TBX15: variants seen among roughly 807,000 people sequenced by gnomAD.
The protein encoded by TBX15 is T-box transcription factor TBX15.
TBX15 carries 18 observed loss-of-function variants against 53.9 expected under a neutral mutation model. The ratio of observed to expected loss-of-function variants is 0.33; its 90% CI spans 0.23 to 0.49. The LOEUF (loss-of-function observed/expected upper bound fraction) is 0.49, where lower values mean the gene tolerates loss of function less well. Ranked by LOEUF, TBX15 falls within the 20% of genes least tolerant of loss-of-function variation. The pLI is 0.98. For synonymous variants in TBX15, 295 were observed against 278.0 expected (o/e 1.06, Z -0.61); for missense variants, 692 against 749.5 (o/e 0.92, Z 0.90).
At chr1:118,935,379 C>A (rs1013132917) in intron 1 of TBX15, among the ~76,000 whole-genome samples, 1 of 152,120 alleles carries the variant, frequency 6.6e-6, no homozygotes, top group Non-Finnish European at 1.5e-5. Context: ...TTTTCAAGGT[C>A]ATTTATTCTT....
In TBX15 at chr1:118,884,918, A is replaced by C. The variant is rs369803958; in HGVS notation, c.1623T>G (p.Thr541=). ...SPEKLSASQS[T]LLCSSPSNGA... ...CGTTGGAAGGAGAAGAACAGAGTAA[A>C]GTGCTTTGAGAGGCGCTCAGTTTTT... is the stretch of plus-strand genomic sequence containing the variant. The change falls in exon 8 of 8, where the codon ACT becomes ACG. Residue 541 remains threonine, a synonymous_variant. Transcript: ENST00000369429. The C allele has an allele frequency of 6.2e-7, 1 of 1,614,082 alleles. No individual in the cohort carries two copies. Among genetic ancestry groups the C allele is most frequent in the African/African-American group, 1.3e-5 (1 of 74,936 alleles).
In TBX15 at chr1:118,921,313, T is replaced by C. The variant is rs147217360; in HGVS notation, c.861+2123A>G. On this transcript the variant is annotated intron_variant, in intron 5 of 7. Transcript: ENST00000369429. ...CAAGTGTAGACTTACTAAAAATTTA[T>C]TGGTAAAGATTATCTGGTGAATAAA... Among the ~76,000 whole-genome samples the C allele has an allele frequency of 5.7e-3, 864 of 152,336 alleles. 8 individuals carry two copies. The highest frequency in any genetic ancestry group is 0.02 in the Middle Eastern group (6 of 294).
intron 7 of TBX15, among the ~76,000 whole-genome samples, chr1:118,887,148 C>T (rs1571144228): frequency 6.6e-6 from 1 of 152,308 alleles, no homozygotes; most frequent in Non-Finnish European, 1.5e-5. Context: ...GAAAGAGCAG[C>T]TGCTTTGTCT....
chr1:118,924,345 A>G (rs558608963), intron 4 of TBX15, among the ~76,000 whole-genome samples: 2 of 152,292 alleles, frequency 1.3e-5, no homozygotes, highest in African/African-American at 2.4e-5. Context: ...GATTTTTTCT[A>G]CCACTGGTTG....
At chr1:118,982,993 T>C (rs1337367048) in intron 1 of TBX15, among the ~76,000 whole-genome samples, 3 of 152,190 alleles carry the variant, frequency 2.0e-5, no homozygotes, top group African/African-American at 2.4e-5. Context: ...TGAAGTTGCC[T>C]AGGAAAGCCT....
intron 6 of TBX15, among the ~76,000 whole-genome samples, chr1:118,904,619 A>G (rs952671051): frequency 6.6e-6 from 1 of 152,194 alleles, no homozygotes; most frequent in Admixed American, 6.5e-5. Flanking sequence ...AGTGATTCCC[A>G]ACTTAAGAAC....
At chr1:118,918,901 G>A (rs988168782) in intron 5 of TBX15, among the ~76,000 whole-genome samples, 19 of 152,086 alleles carry the variant, frequency 1.2e-4, no homozygotes, top group African/African-American at 3.6e-4. Context: ...AACACTCTTC[G>A]TTATTTTTAT....
rs998172137 is a variant in TBX15 at position 118,884,156 on chromosome 1, C to T, written c.*576G>A. Reference sequence around the variant, plus strand: ...CAGGATACATGGTTCATTCCAGAAGCAGAGGAAGCTGCAGGGGAGAAAGAC... The same window carrying T: ...CAGGATACATGGTTCATTCCAGAAGTAGAGGAAGCTGCAGGGGAGAAAGAC... On this transcript the variant is annotated 3_prime_UTR_variant, in exon 8 of 8. Coordinates refer to ENST00000369429, the MANE Select transcript of TBX15 (RefSeq NM_001330677.2). 1 of 157,224 alleles carries T rather than the reference C, an allele frequency of 6.4e-6. No individual in the cohort carries two copies. Among genetic ancestry groups the T allele is most frequent in the South Asian group, 1.9e-4 (1 of 5,166 alleles). 9.7% of individuals were successfully genotyped at this position (157,224 alleles called of 1,614,324 possible). A position where few individuals can be genotyped will look rare whatever the true frequency, so the allele number is the denominator to read the frequency against.
intron 1 of TBX15, among the ~76,000 whole-genome samples, chr1:118,946,605 G>A (rs940540181): frequency 2.0e-5 from 3 of 152,098 alleles, no homozygotes; most frequent in African/African-American, 7.2e-5. Flanking sequence ...GATTACTAAT[G>A]GTGCATCTTA....
intron 1 of TBX15, among the ~76,000 whole-genome samples, chr1:118,986,760 G>GT (rs1657852138): frequency 6.6e-6 from 1 of 152,204 alleles, no homozygotes; most frequent in Admixed American, 6.5e-5. Context: ...TGCGAGCGTT[G>GT]TATGTGCGCG....
At chr1:118,988,902 G>C (rs1445071214), upstream of TBX15, among the ~76,000 whole-genome samples, 1 of 152,172 alleles carries the variant, frequency 6.6e-6, no homozygotes, top group Non-Finnish European at 1.5e-5. Context: ...TACTAACCAG[G>C]GTCTTGTAAC....
intron 5 of TBX15, among the ~76,000 whole-genome samples, chr1:118,920,645 T>A (rs1474989825): frequency 6.6e-6 from 1 of 152,070 alleles, no homozygotes; most frequent in African/African-American, 2.4e-5. Flanking sequence ...AATGGTGCAA[T>A]TATCACTGGG....
intron 1 of TBX15, among the ~76,000 whole-genome samples, chr1:118,966,668 G>T (rs1419478542): frequency 1.3e-5 from 2 of 152,162 alleles, no homozygotes; most frequent in African/African-American, 4.8e-5. Flanking sequence ...AAAGCAACAG[G>T]TCTATCCCAA....
chr1:118,894,884 A>C (rs1389240198), intron 7 of TBX15, among the ~76,000 whole-genome samples: 1 of 152,204 alleles, frequency 6.6e-6, no homozygotes, highest in African/African-American at 2.4e-5. Flanking sequence ...ATTATAGTGC[A>C]GAATTAGGAT....
intron 1 of TBX15, among the ~76,000 whole-genome samples, chr1:118,974,071 T>C (rs974117263): frequency 2.6e-5 from 4 of 152,216 alleles, no homozygotes; most frequent in African/African-American, 9.6e-5. Flanking sequence ...CCTTGCAGAA[T>C]CTACATTTCT....
intron 1 of TBX15, among the ~76,000 whole-genome samples, chr1:118,976,908 C>G (rs999504529): frequency 6.6e-6 from 1 of 152,178 alleles, no homozygotes; most frequent in Non-Finnish European, 1.5e-5. Flanking sequence ...AATTTGCAAA[C>G]AATTTCTTAT....
At chr1:118,955,448 A>G (rs980633007) in intron 1 of TBX15, among the ~76,000 whole-genome samples, 1 of 152,180 alleles carries the variant, frequency 6.6e-6, no homozygotes, top group Non-Finnish European at 1.5e-5. Context: ...CAGAAAACCA[A>G]TCAATCAATG....
At chr1:118,952,428 T>C (rs36043800) in intron 1 of TBX15, among the ~76,000 whole-genome samples, 11,333 of 152,024 alleles carry the variant, frequency 0.075, 611 homozygotes, top group East Asian at 0.2. Flanking sequence ...AAAAAAATAA[T>C]TTTCTGTCCT....
chr1:118,954,429 C>A (rs1350329505), intron 1 of TBX15, among the ~76,000 whole-genome samples: 3 of 152,180 alleles, frequency 2.0e-5, no homozygotes, highest in African/African-American at 7.2e-5. Context: ...CAGATCTTAT[C>A]TTTACGTGGA....
Sources: gnomAD v4.1 joint callset for allele counts (sites outside exome capture counted in the v4.1 genomes callset) on GRCh38, gnomAD v4.1.1 for gene constraint, MANE v1.5 for transcripts, NCBI Gene and HGNC (gene_info 2026-07-23, HGNC 2026-07-21) for gene names.